PCNX1: variants seen among roughly 807,000 people sequenced by gnomAD.
The protein encoded by PCNX1 is pecanex-like protein 1.
In PCNX1, 78 loss-of-function variants were observed where a neutral mutation model predicts 242.2. The observed-to-expected ratio is 0.32, with a 90% CI of 0.27 to 0.39. The LOEUF is 0.39. Among genes scored for constraint, PCNX1 ranks in the 10% least tolerant of loss-of-function variants. PCNX1 has a pLI of 1.00. For synonymous variants in PCNX1, 1,024 were observed against 1,032.9 expected (o/e 0.99, Z 0.17); for missense variants, 2,581 against 2,856.5 (o/e 0.90, Z 2.20).
Position 71,057,538 on chromosome 14 carries a change from T to G in PCNX1, c.4666T>G (p.Phe1556Val). 1 of 1,613,490 alleles carries G rather than the reference T, an allele frequency of 6.2e-7. No homozygotes were observed. Among genetic ancestry groups the G allele is most frequent in the Non-Finnish European group, 8.5e-7 (1 of 1,179,464 alleles). Residue 1556 changes from phenylalanine to valine, a missense_variant, in exon 26 of 36, where the codon TTT becomes GTT. By Grantham distance (50) the Phe-to-Val change is conservative (BLOSUM62 -1). Coordinates refer to ENST00000304743, the MANE Select transcript of PCNX1 (RefSeq NM_014982.3). ...GSDDNNLNSI[F>V]YEHLTRSLQH... is the part of the protein sequence containing the mutation. ...AGATGACAACAATCTGAATTCCATCTTTTATGAGCATTTAACTAGATCCCT... is the reference window on the plus strand; with the variant it reads ...AGATGACAACAATCTGAATTCCATCGTTTATGAGCATTTAACTAGATCCCT...
chr14:70,969,707 G>T (rs1318830450), intron 5 of PCNX1, among the ~76,000 whole-genome samples: 1 of 152,096 alleles, frequency 6.6e-6, no homozygotes, highest in Admixed American at 6.5e-5. Context: ...GTACTGTGTG[G>T]GCCGGGCGCA....
chr14:71,079,094 C>G (rs897929454), intron 28 of PCNX1, among the ~76,000 whole-genome samples: 1 of 152,096 alleles, frequency 6.6e-6, no homozygotes, highest in Non-Finnish European at 1.5e-5. Context: ...GTGAGAACAT[C>G]CAGTGTTTGG....
chr14:71,080,381 T>C (rs577739332), intron 28 of PCNX1, among the ~76,000 whole-genome samples: 75 of 152,324 alleles, frequency 4.9e-4, no homozygotes, highest in Admixed American at 1.6e-3. Flanking sequence ...TATAGGAAAT[T>C]TAAAGTAGTT....
chr14:71,001,301 C>T (rs1160103341), intron 8 of PCNX1, among the ~76,000 whole-genome samples: 4 of 151,974 alleles, frequency 2.6e-5, no homozygotes, highest in African/African-American at 9.7e-5. Context: ...ATGGAATTAT[C>T]GGTCAAGGGG....
At chr14:71,032,056 CAAA>C (rs1265573585) in intron 16 of PCNX1, 17 of 728,112 alleles carry the variant, frequency 2.3e-5, no homozygotes, top group East Asian at 2.1e-4. Context: ...GATTAATAGA[CAAA>C]GAAGAAGAGA....
chr14:71,034,014 C>A lies in PCNX1; in HGVS notation c.3752C>A (p.Pro1251His). ...DPLSEVKDPL[P>H]EKLRNSVSER... Reference sequence around the variant, plus strand: ...CTATCTGAAGTAAAAGATCCACTGCCTGAAAAACTTAGAAATTCTGTTGTA... The same window carrying A: ...CTATCTGAAGTAAAAGATCCACTGCATGAAAAACTTAGAAATTCTGTTGTA... Residue 1251 changes from proline (P) to histidine (H), a missense_variant, in exon 18 of 36, where the codon CCT becomes CAT. Around this residue, in one of 9 missense-constraint regions of PCNX1, gnomAD observed 432 missense variants for 443.1 expected, o/e 0.97. Coordinates refer to ENST00000304743, the MANE Select transcript of PCNX1 (RefSeq NM_014982.3). The A allele has an allele frequency of 6.3e-7, 1 of 1,593,938 alleles. No homozygotes were observed. The highest frequency in any genetic ancestry group is 1.1e-5 in the South Asian group (1 of 89,228).
chr14:71,093,106 G>T (rs2062179072), intron 30 of PCNX1: 2 of 152,128 alleles, frequency 1.3e-5, no homozygotes, highest in African/African-American at 2.4e-5. Context: ...CAATGGAAAG[G>T]ATTGTCAGTG....
intron 18 of PCNX1, among the ~76,000 whole-genome samples, chr14:71,035,184 T>G (rs1344244092): frequency 6.6e-6 from 1 of 152,110 alleles, no homozygotes; most frequent in Non-Finnish European, 1.5e-5. Flanking sequence ...GAATAGACAC[T>G]GCACTCCAGC....
intron 1 of PCNX1, among the ~76,000 whole-genome samples, chr14:70,913,672 C>T (rs1053459752): frequency 3.3e-5 from 5 of 152,062 alleles, no homozygotes; most frequent in Non-Finnish European, 4.4e-5. Context: ...GTGAGGATTA[C>T]GCTAAAGCTC....
At chr14:70,943,838 C>T (rs1341601671) in intron 1 of PCNX1, among the ~76,000 whole-genome samples, 2 of 152,232 alleles carry the variant, frequency 1.3e-5, no homozygotes, top group Non-Finnish European at 2.9e-5. Flanking sequence ...CCCTGCATCC[C>T]ACCTGTGGTT....
rs371422250 is a variant in PCNX1, at chr14:71,090,712, C to T, written c.5589+1370C>T. ...TTCTGGAAAGGTACCAACTATGTAT[C>T]TGCTTTATAAGAAATATTCTCTTTC... On this transcript the variant is annotated intron_variant, in intron 30 of 35. Transcript: ENST00000304743. Among the ~76,000 whole-genome samples the T allele has an allele frequency of 2.6e-5, 4 of 152,358 alleles. No homozygotes were observed. In the East Asian group the frequency reaches 5.8e-4, roughly 22 times the overall value.
At chr14:70,995,631 T>C (rs1466407438) in intron 7 of PCNX1, 110 bp from the exon 8 acceptor site, 2 of 835,978 alleles carry the variant, frequency 2.4e-6, no homozygotes, top group African/African-American at 3.4e-5. Context: ...TCTTAGGTTA[T>C]GTTGAAAAAA....
In PCNX1 at chr14:70,947,058, G is replaced by A. The variant is rs200293776; in HGVS notation, c.297G>A (p.Thr99=). ...TAGATAGGACTGCAAATGAGTTCAC[G>A]GATCAGCGAACCAAAGCTGAACAAG... ...EVVDRTANEF[T]DQRTKAEQGN... The change falls in exon 2 of 36, where the codon ACG becomes ACA. Residue 99 remains threonine, a synonymous_variant. Coordinates refer to ENST00000304743, the MANE Select transcript of PCNX1 (RefSeq NM_014982.3). 5.5e-5 allele frequency: 88 copies of A among 1,613,516 alleles called. No homozygotes were observed. The highest frequency in any genetic ancestry group is 6.6e-5 in the South Asian group (6 of 91,008).
intron 28 of PCNX1, among the ~76,000 whole-genome samples, chr14:71,078,386 T>C (rs2061769557): frequency 6.6e-6 from 1 of 152,222 alleles, no homozygotes. Context: ...CAGACCCTTC[T>C]TCCATAGTTT....
chr14:70,973,725 GAGAA>G (rs1048837563), intron 5 of PCNX1, among the ~76,000 whole-genome samples: 14 of 152,168 alleles, frequency 9.2e-5, no homozygotes, highest in African/African-American at 3.1e-4. Context: ...TGATCAGAGA[GAGAA>G]AGAAGGTATG....
At position 71,111,114 on chromosome 14, in the gene PCNX1, A is replaced by G. The variant is rs1315972540; in HGVS notation, c.*1179A>G. The G allele has an allele frequency of 6.6e-6, 1 of 152,362 alleles. No homozygotes were observed. Among genetic ancestry groups the G allele is most frequent in the Non-Finnish European group, 1.5e-5 (1 of 67,976 alleles). The allele number at this position is 152,362 out of a possible 1,614,324, so 9.4% of individuals were successfully genotyped here. A position where few individuals can be genotyped will look rare whatever the true frequency, so the allele number is the denominator to read the frequency against. On this transcript the variant is annotated 3_prime_UTR_variant, in exon 36 of 36. Transcript: ENST00000304743. ...TTGAATTTTATTTCCTGTAATTTAT[A>G]GTGTGTAGCTGTAAATTGAAATATT... is the stretch of plus-strand genomic sequence containing the variant.
At position 71,109,495 on chromosome 14, in the gene PCNX1, A is replaced by C; in HGVS notation, c.6788A>C (p.Lys2263Thr). The C allele has an allele frequency of 6.2e-7, 1 of 1,613,886 alleles. No individual in the cohort carries two copies. The highest frequency in any genetic ancestry group is 8.5e-7 in the Non-Finnish European group (1 of 1,179,766). ...ATTCTGGAAGGGATCAACCTGTCTA[A>C]AAGGAAAGAGCTACAGTGGCCTGAT... Reference protein sequence around the residue: ...SQILEGINLSKRKELQWPDEG... With the variant: ...SQILEGINLSTRKELQWPDEG... Residue 2263 changes from lysine (K) to threonine (T), a missense_variant, in exon 35 of 36, where the codon AAA becomes ACA. Transcript: ENST00000304743.
intron 1 of PCNX1, among the ~76,000 whole-genome samples, chr14:70,910,023 C>A (rs1326147131): frequency 1.0e-5 from 1 of 98,338 alleles, no homozygotes; most frequent in Admixed American, 9.3e-5. Flanking sequence ...AACTAGACGA[C>A]GACTCCTCCC....
chr14:71,032,102 C>T (rs2060403231), intron 16 of PCNX1: 1 of 604,054 alleles, frequency 1.7e-6, no homozygotes, highest in Non-Finnish European at 3.0e-6. Flanking sequence ...GCTGAGAAAG[C>T]AGGTCGCTCA....
Sources: allele counts gnomAD v4.1 joint callset (sites outside exome capture counted in the v4.1 genomes callset), GRCh38; gene constraint gnomAD v4.1.1; regional missense constraint gnomAD v4.1.1; transcripts MANE v1.5; gene names NCBI Gene and HGNC (gene_info 2026-07-23, HGNC 2026-07-21).